Variants in KCNMB2 observed in about 807,000 individuals in gnomAD.
KCNMB2 encodes the protein calcium-activated potassium channel subunit beta-2.
A neutral mutation model predicts 24.5 loss-of-function variants in KCNMB2; 9 were observed. That is an observed-to-expected ratio of 0.37 (90% confidence interval 0.22 to 0.64). The LOEUF (loss-of-function observed/expected upper bound fraction) is 0.64. Ranked by LOEUF, KCNMB2 falls within the 30% of genes least tolerant of loss-of-function variation. KCNMB2 has a pLI of 0.63. For synonymous variants in KCNMB2, 109 were observed against 104.4 expected (o/e 1.04, Z -0.27); for missense variants, 226 against 284.3 (o/e 0.79, Z 1.47).
intron 1 of KCNMB2, among the ~76,000 whole-genome samples, chr3:178,588,666 A>T (rs1222888403): frequency 6.6e-6 from 1 of 152,178 alleles, no homozygotes; most frequent in Non-Finnish European, 1.5e-5. Flanking sequence ...TGGATATCAC[A>T]TATTGTATAT....
chr3:178,758,069 GAT>G (rs796437582), intron 1 of KCNMB2, among the ~76,000 whole-genome samples: 675 of 39,486 alleles, frequency 0.017, 6 homozygotes, highest in Non-Finnish European at 0.021. Context: ...TCTCCAAGAG[GAT>G]ATATATATAT....
intron 4 of KCNMB2, among the ~76,000 whole-genome samples, chr3:178,829,736 A>G (rs1020107157): frequency 2.6e-5 from 4 of 152,176 alleles, no homozygotes; most frequent in African/African-American, 7.2e-5. Context: ...CCTCATTTTG[A>G]CAATTTATCA....
intron 1 of KCNMB2, among the ~76,000 whole-genome samples, chr3:178,699,158 G>A (rs1157456325): frequency 6.6e-6 from 1 of 152,206 alleles, no homozygotes; most frequent in African/African-American, 2.4e-5. Context: ...CTTGGGGCAG[G>A]ATGCTGACTA....
At chr3:178,662,322 G>A (rs1471153043) in intron 1 of KCNMB2, among the ~76,000 whole-genome samples, 1 of 151,868 alleles carries the variant, frequency 6.6e-6, no homozygotes, top group East Asian at 1.9e-4. Flanking sequence ...TCATTACTTG[G>A]GCAATATTTA....
At chr3:178,662,146 G>T (rs1720555043) in intron 1 of KCNMB2, among the ~76,000 whole-genome samples, 1 of 152,170 alleles carries the variant, frequency 6.6e-6, no homozygotes, top group Non-Finnish European at 1.5e-5. Context: ...GTGTTTATAT[G>T]CTAAAGTATT....
intron 1 of KCNMB2, among the ~76,000 whole-genome samples, chr3:178,631,716 G>A (rs115478954): frequency 5.9e-5 from 9 of 152,224 alleles, no homozygotes; most frequent in African/African-American, 1.7e-4. Context: ...GGAGAAAATG[G>A]GACTACTAAC....
chr3:178,627,255 T>A (rs921743675), intron 1 of KCNMB2, among the ~76,000 whole-genome samples: 2 of 152,226 alleles, frequency 1.3e-5, no homozygotes, highest in African/African-American at 2.4e-5. Context: ...TGGTAATATT[T>A]TTCCTTAAAT....
intron 1 of KCNMB2, among the ~76,000 whole-genome samples, chr3:178,600,269 T>C (rs1324893166): frequency 6.6e-6 from 1 of 152,186 alleles, no homozygotes; most frequent in Non-Finnish European, 1.5e-5. Context: ...AGGCTGAATA[T>C]TCCATTGTGT....
In KCNMB2 at chr3:178,781,132, T is replaced by C. The variant is rs1026174033; in HGVS notation, c.-67-26211T>C. Among the ~76,000 whole-genome samples, 3 of 152,098 alleles carry C rather than the reference T, an allele frequency of 2.0e-5. No individual in the cohort carries two copies. The East Asian group carries it at 5.8e-4, about 29-fold the overall frequency. On this transcript the variant is annotated intron_variant, in intron 1 of 4. Coordinates refer to ENST00000452583, the MANE Select transcript of KCNMB2 (RefSeq NM_181361.3). ...TGGGCATATTAGGTTAAATAAAATA[T>C]ATTATTAGAATTAATTTTTCCTATT...
At chr3:178,810,174 ATAAT>A (rs1308383008) in intron 2 of KCNMB2, among the ~76,000 whole-genome samples, 2 of 152,202 alleles carry the variant, frequency 1.3e-5, no homozygotes, top group African/African-American at 4.8e-5. Flanking sequence ...ATGATGGCTG[ATAAT>A]TAATCTACAT....
At chr3:178,552,680 T>C (rs1037527643) in intron 1 of KCNMB2, among the ~76,000 whole-genome samples, 2 of 152,220 alleles carry the variant, frequency 1.3e-5, no homozygotes, top group African/African-American at 2.4e-5. Flanking sequence ...TATTTGTAAC[T>C]GTTTTAACTC....
chr3:178,783,354 T>C (rs1247160518), intron 1 of KCNMB2, among the ~76,000 whole-genome samples: 1 of 149,330 alleles, frequency 6.7e-6, no homozygotes, highest in Non-Finnish European at 1.5e-5. Flanking sequence ...TTGATGGGGA[T>C]GGCATTGAAT....
chr3:178,739,946 G>C (rs555481117), intron 1 of KCNMB2, among the ~76,000 whole-genome samples: 4 of 152,180 alleles, frequency 2.6e-5, no homozygotes, highest in African/African-American at 9.6e-5. Flanking sequence ...TGCTGACATG[G>C]GACAGCTACT....
chr3:178,747,996 A>T (rs1240458463), intron 1 of KCNMB2, among the ~76,000 whole-genome samples: 2 of 152,224 alleles, frequency 1.3e-5, no homozygotes, highest in Non-Finnish European at 2.9e-5. Flanking sequence ...CATTCTGCAG[A>T]TTCAGCAACG....
At chr3:178,690,833 C>T (rs1022503321) in intron 1 of KCNMB2, among the ~76,000 whole-genome samples, 2 of 152,164 alleles carry the variant, frequency 1.3e-5, no homozygotes, top group Admixed American at 1.3e-4. Context: ...CTGCTTCAAA[C>T]GTTTTGGCAG....
At chr3:178,699,940 T>C (rs951924314) in intron 1 of KCNMB2, among the ~76,000 whole-genome samples, 6 of 152,218 alleles carry the variant, frequency 3.9e-5, no homozygotes, top group African/African-American at 1.2e-4. Flanking sequence ...TCCTTGCCAA[T>C]TGAACTCACC....
At chr3:178,605,063 G>GT (rs1024302434) in intron 1 of KCNMB2, among the ~76,000 whole-genome samples, 1 of 152,116 alleles carries the variant, frequency 6.6e-6, no homozygotes, top group East Asian at 1.9e-4. Flanking sequence ...AGGTCAAGTA[G>GT]TTTTTTTAGG....
At position 178,793,526 on chromosome 3, in the gene KCNMB2, C is replaced by G. The variant is rs1426462972; in HGVS notation, c.-67-13817C>G. On this transcript the variant is annotated intron_variant, in intron 1 of 4. Transcript: ENST00000452583. ...CTGCTCTTCACCCTGGGGGGGTGGG[C>G]AATGGACAGCAGAAGGACTCAGACA... 3.5e-5 allele frequency among the ~76,000 whole-genome samples: 5 copies of G among 142,706 alleles called. 1 individual carries two copies. The highest frequency in any genetic ancestry group is 2.2e-4 in the Admixed American group (3 of 13,594). 93.6% of individuals were successfully genotyped at this position (142,706 alleles called of 152,430 possible).
chr3:178,688,230 T>C (rs547654106), intron 1 of KCNMB2, among the ~76,000 whole-genome samples: 35 of 152,288 alleles, frequency 2.3e-4, no homozygotes, highest in Non-Finnish European at 4.7e-4. Context: ...TGAGGTTTAA[T>C]GTTATGGCAA....
Sources: gnomAD v4.1 joint callset for allele counts (sites outside exome capture counted in the v4.1 genomes callset) on GRCh38, gnomAD v4.1.1 for gene constraint, MANE v1.5 for transcripts, NCBI Gene and HGNC (gene_info 2026-07-23, HGNC 2026-07-21) for gene names.